The following TNNI3K variants were observed in gnomAD, a reference collection of about 807,000 sequenced individuals.
The protein encoded by TNNI3K is serine/threonine-protein kinase TNNI3K.
In TNNI3K, 140 loss-of-function variants were observed where a neutral mutation model predicts 114.5. The observed-to-expected ratio is 1.22, with a 90% CI of 1.07 to 1.41. TNNI3K has a LOEUF of 1.41. Among genes scored for constraint, TNNI3K ranks in the 40% most tolerant of loss-of-function variants. The pLI is 0.00. For missense variants in TNNI3K, 1,125 were observed against 1,007.6 expected, an observed-to-expected ratio of 1.12 and a Z score of -1.58; for synonymous variants, 347 against 347.5, an observed-to-expected ratio of 1.00 and a Z score of 0.02.
At chr1:74,511,630 T>C (rs769074805) in intron 23 of TNNI3K, among the ~76,000 whole-genome samples, 2 of 152,060 alleles carry the variant, frequency 1.3e-5, no homozygotes, top group African/African-American at 4.8e-5. Context: ...CACCCAATGA[T>C]GGATTAGAGA....
chr1:74,443,646 C>T (rs746446063), intron 20 of TNNI3K, among the ~76,000 whole-genome samples: 15 of 152,180 alleles, frequency 9.9e-5, no homozygotes, highest in East Asian at 3.8e-4. Context: ...GGACTCCTCC[C>T]TAACTCATAT....
intron 23 of TNNI3K, among the ~76,000 whole-genome samples, chr1:74,521,473 TCA>T (rs145040288): frequency 0.028 from 3,380 of 121,028 alleles, 134 homozygotes; most frequent in African/African-American, 0.079. Flanking sequence ...CTTATCTCTC[TCA>T]CACACACACA....
At chr1:74,392,961 C>G (rs746040991) in intron 17 of TNNI3K, among the ~76,000 whole-genome samples, 3 of 152,128 alleles carry the variant, frequency 2.0e-5, no homozygotes, top group Non-Finnish European at 2.9e-5. Flanking sequence ...TAAACACAAG[C>G]CACTTATAGC....
chr1:74,458,006 T>G (rs1168039943), intron 20 of TNNI3K, among the ~76,000 whole-genome samples: 1 of 152,122 alleles, frequency 6.6e-6, no homozygotes, highest in Non-Finnish European at 1.5e-5. Flanking sequence ...AACATACAAT[T>G]ATGTTTTTTA....
intron 4 of TNNI3K, among the ~76,000 whole-genome samples, chr1:74,256,397 T>A (rs1353166849): frequency 2.0e-5 from 3 of 151,256 alleles, no homozygotes; most frequent in Non-Finnish European, 4.4e-5. Context: ...GTTGAATAGG[T>A]TTTTATGTGC....
intron 6 of TNNI3K, among the ~76,000 whole-genome samples, chr1:74,334,615 C>G (rs1660373942): frequency 6.6e-6 from 1 of 152,076 alleles, no homozygotes; most frequent in Non-Finnish European, 1.5e-5. Context: ...CCTAAATTAC[C>G]TGAAACAATC....
intron 17 of TNNI3K, among the ~76,000 whole-genome samples, chr1:74,423,290 C>G (rs972102130): frequency 6.6e-6 from 1 of 151,872 alleles, no homozygotes; most frequent in Admixed American, 6.6e-5. Flanking sequence ...GTTGCACATA[C>G]TTTCTGTAGC....
intron 17 of TNNI3K, among the ~76,000 whole-genome samples, chr1:74,377,535 T>G (rs1204877328): frequency 1.3e-5 from 2 of 152,118 alleles, no homozygotes; most frequent in Non-Finnish European, 2.9e-5. Flanking sequence ...ATGGTTTATG[T>G]AAGTACTATA....
At chr1:74,412,322 G>C (rs1664920060) in intron 17 of TNNI3K, among the ~76,000 whole-genome samples, 1 of 152,102 alleles carries the variant, frequency 6.6e-6, no homozygotes, top group Non-Finnish European at 1.5e-5. Flanking sequence ...TTTGTAGTCT[G>C]TTCCTACCCT....
At chr1:74,264,802 A>G (rs1263752497) in intron 4 of TNNI3K, among the ~76,000 whole-genome samples, 2 of 152,052 alleles carry the variant, frequency 1.3e-5, no homozygotes, top group African/African-American at 4.8e-5. Flanking sequence ...TAAGGTGAAT[A>G]TTCTCATAGA....
chr1:74,445,910 G>T (rs896425612), intron 20 of TNNI3K, among the ~76,000 whole-genome samples: 2 of 151,932 alleles, frequency 1.3e-5, no homozygotes, highest in Non-Finnish European at 2.9e-5. Flanking sequence ...GTGCCCGGCC[G>T]TTCCACATTT....
At chr1:74,315,771 G>C (rs1385191399) in intron 5 of TNNI3K, among the ~76,000 whole-genome samples, 1 of 151,994 alleles carries the variant, frequency 6.6e-6, no homozygotes, top group Non-Finnish European at 1.5e-5. Flanking sequence ...CATGCTATCT[G>C]TTTAGACTTT....
intron 1 of TNNI3K, among the ~76,000 whole-genome samples, chr1:74,235,792 A>T (rs1653815665): frequency 6.6e-6 from 1 of 151,454 alleles, no homozygotes; most frequent in African/African-American, 2.4e-5. Context: ...TCTAGTATTT[A>T]AAAACTAAAA....
intron 5 of TNNI3K, among the ~76,000 whole-genome samples, chr1:74,273,316 T>C (rs139832790): frequency 6.6e-6 from 1 of 151,880 alleles, no homozygotes; most frequent in Non-Finnish European, 1.5e-5. Context: ...GTGTTACTTA[T>C]GAGGAAAGGG....
At chr1:74,290,281 G>A (rs1032244194) in intron 5 of TNNI3K, among the ~76,000 whole-genome samples, 1 of 149,620 alleles carries the variant, frequency 6.7e-6, no homozygotes, top group Non-Finnish European at 1.5e-5. Context: ...CCTAATTTAG[G>A]TAACTAAGCA....
intron 17 of TNNI3K, among the ~76,000 whole-genome samples, chr1:74,402,960 A>C (rs903382484): frequency 1.3e-5 from 2 of 151,920 alleles, no homozygotes; most frequent in African/African-American, 4.8e-5. Flanking sequence ...AATTTTAACA[A>C]CTCTGTAGTA....
chr1:74,250,831 CTTTTT>C, intron 4 of TNNI3K, 62 bp downstream of exon 4: 6 of 959,714 alleles, frequency 6.3e-6, no homozygotes, highest in South Asian at 2.8e-5. Context: ...TATCTTTAGG[CTTTTT>C]TTTTTTTTTT....
intron 4 of TNNI3K, among the ~76,000 whole-genome samples, chr1:74,260,850 A>G (rs1225233344): frequency 6.6e-6 from 1 of 152,092 alleles, no homozygotes; most frequent in Non-Finnish European, 1.5e-5. Flanking sequence ...GCACTCCCAA[A>G]CACATATATG....
chr1:74,293,363 T>C (rs1279463113), intron 5 of TNNI3K, among the ~76,000 whole-genome samples: 4 of 151,732 alleles, frequency 2.6e-5, no homozygotes, highest in Non-Finnish European at 5.9e-5. Flanking sequence ...TGCTGAAGCT[T>C]TACAATGAGT....
Sources: allele counts gnomAD v4.1 joint callset (sites outside exome capture counted in the v4.1 genomes callset), GRCh38; gene constraint gnomAD v4.1.1; transcripts MANE v1.5; gene names NCBI Gene and HGNC (gene_info 2026-07-23, HGNC 2026-07-21).